Variants in SIPA1L1 observed in about 807,000 individuals in gnomAD.
The protein encoded by SIPA1L1 is signal-induced proliferation-associated 1-like protein 1.
Under a neutral mutation model 162.7 loss-of-function variants are expected in SIPA1L1, and 26 were observed. The ratio of observed to expected loss-of-function variants is 0.16; its 90% CI spans 0.12 to 0.22. The LOEUF (loss-of-function observed/expected upper bound fraction) is 0.22. Among genes scored for constraint, SIPA1L1 ranks in the 10% least tolerant of loss-of-function variants. The probability of loss-of-function intolerance (pLI) is 1.00; values close to 1 mark genes in which losing one functional copy is unlikely to be tolerated. For synonymous variants in SIPA1L1, 829 were observed against 837.4 expected, an observed-to-expected ratio of 0.99 and a Z score of 0.17; for missense variants, 1,874 against 2,241.0, an observed-to-expected ratio of 0.84 and a Z score of 3.31.
In SIPA1L1 at chr14:71,500,166, T is replaced by C. The variant is rs566653638; in HGVS notation, c.-464-12577T>C. The stretch of plus-strand genomic sequence containing the variant: ...GAACATTAAAATTAAGAATTTCTCT[T>C]CAACAAAATAAAAATTAAGAGCAAA... On this transcript the variant is annotated intron_variant, in intron 2 of 23. Coordinates refer to ENST00000381232, the MANE Select transcript of SIPA1L1 (RefSeq NM_001386936.1). 6.7e-4 allele frequency among the ~76,000 whole-genome samples: 102 copies of C among 152,180 alleles called. 1 individual carries two copies. The highest frequency in any genetic ancestry group is 2.4e-3 in the African/African-American group (99 of 41,498).
Position 71,356,567 on chromosome 14 carries a change from C to CAAAA in SIPA1L1, c.-465+35403_-465+35406dup, listed in dbSNP as rs71105772. On this transcript the variant is annotated intron_variant, in intron 2 of 23. Coordinates refer to ENST00000381232, the MANE Select transcript of SIPA1L1 (RefSeq NM_001386936.1). The stretch of plus-strand genomic sequence containing the variant: ...GCAACATAGCAAGACCTTGTCTCTA[C>CAAAA]AAAAAAAAAAAAAAAAAAAAGCACA... Among the ~76,000 whole-genome samples the CAAAA allele has an allele frequency of 6.4e-4, 25 of 39,160 alleles. 4 individuals carry two copies. The highest frequency in any genetic ancestry group is 2.5e-3 in the South Asian group (2 of 786). 25.7% of individuals were successfully genotyped at this position (39,160 alleles called of 152,430 possible). A position where few individuals can be genotyped will look rare whatever the true frequency, so the allele number is the denominator to read the frequency against.
chr14:71,580,560 C>G (rs942542322), intron 4 of SIPA1L1, among the ~76,000 whole-genome samples: 4 of 152,136 alleles, frequency 2.6e-5, no homozygotes, highest in African/African-American at 9.7e-5. Flanking sequence ...TATTCAAATC[C>G]TATAAATACT....
At chr14:71,422,926 C>T (rs2043294867) in intron 2 of SIPA1L1, among the ~76,000 whole-genome samples, 1 of 152,140 alleles carries the variant, frequency 6.6e-6, no homozygotes, top group South Asian at 2.1e-4. Context: ...AGTGGCTGTA[C>T]CATTTTACAT....
intron 22 of SIPA1L1, among the ~76,000 whole-genome samples, chr14:71,737,872 A>G (rs1215500138): frequency 1.3e-5 from 2 of 152,114 alleles, no homozygotes; most frequent in Admixed American, 6.5e-5. Flanking sequence ...AAAGCCCACT[A>G]GAGAGATCCC....
intron 14 of SIPA1L1, among the ~76,000 whole-genome samples, chr14:71,699,411 A>G (rs1005825519): frequency 6.6e-6 from 1 of 152,212 alleles, no homozygotes; most frequent in Non-Finnish European, 1.5e-5. Flanking sequence ...TTCACAGTTC[A>G]GATTTTGTCA....
intron 4 of SIPA1L1, among the ~76,000 whole-genome samples, chr14:71,563,355 T>G (rs886531574): frequency 1.3e-5 from 2 of 152,114 alleles, no homozygotes; most frequent in Non-Finnish European, 2.9e-5. Context: ...CTTTAAAATT[T>G]TTTCTGTCTT....
chr14:71,457,361 A>G (rs548399981), intron 2 of SIPA1L1, among the ~76,000 whole-genome samples: 32 of 150,250 alleles, frequency 2.1e-4, no homozygotes, highest in Non-Finnish European at 3.2e-4. Context: ...GTGCAGTGGC[A>G]TGATATCGGC....
chr14:71,706,507 T>A (rs2082447573), intron 16 of SIPA1L1, among the ~76,000 whole-genome samples: 1 of 152,212 alleles, frequency 6.6e-6, no homozygotes, highest in Non-Finnish European at 1.5e-5. Context: ...TTTACACTCT[T>A]GATACATCTC....
chr14:71,355,401 A>G (rs899631832), intron 2 of SIPA1L1, among the ~76,000 whole-genome samples: 1 of 152,088 alleles, frequency 6.6e-6, no homozygotes, highest in South Asian at 2.1e-4. Flanking sequence ...ACCCTGAGGG[A>G]TGGAGGAAAT....
At chr14:71,488,241 T>C (rs1490171881) in intron 2 of SIPA1L1, among the ~76,000 whole-genome samples, 2 of 152,204 alleles carry the variant, frequency 1.3e-5, no homozygotes, top group Non-Finnish European at 2.9e-5. Flanking sequence ...CTATATTCAC[T>C]TTCATTACTG....
At chr14:71,455,927 GT>G (rs1239743019) in intron 2 of SIPA1L1, among the ~76,000 whole-genome samples, 2 of 152,038 alleles carry the variant, frequency 1.3e-5, no homozygotes, top group African/African-American at 4.8e-5. Context: ...GGTGGTTATT[GT>G]TGGTTGGTTT....
intron 2 of SIPA1L1, among the ~76,000 whole-genome samples, chr14:71,387,248 C>CAAAAAAAAAA (rs398025583): frequency 1.9e-4 from 10 of 53,856 alleles, no homozygotes; most frequent in African/African-American, 3.7e-4. Context: ...AACTCTGTCT[C>CAAAAAAAAAA]AAAAAAAAAA....
rs75013076 is a variant in SIPA1L1 at position 71,566,581 on chromosome 14, G to A, written c.-302-20990G>A. ...CACAAAAAGAGACCTCCACATGCAC[G>A]GGAACTTGTTTTTGACATTGTATAC... On this transcript the variant is annotated intron_variant, in intron 4 of 23. Coordinates refer to ENST00000381232, the MANE Select transcript of SIPA1L1 (RefSeq NM_001386936.1). Among the ~76,000 whole-genome samples the A allele has an allele frequency of 2.5e-3, 385 of 152,294 alleles. 3 individuals are homozygous for A. Among genetic ancestry groups the A allele is most frequent in the African/African-American group, 8.7e-3 (362 of 41,576 alleles).
At chr14:71,680,836 G>T (rs549671348) in intron 12 of SIPA1L1, among the ~76,000 whole-genome samples, 38 of 152,224 alleles carry the variant, frequency 2.5e-4, no homozygotes, top group Admixed American at 8.5e-4. Context: ...GAGGGCCTCG[G>T]GTCTTTATAG....
At chr14:71,564,542 G>T (rs1191208524) in intron 4 of SIPA1L1, among the ~76,000 whole-genome samples, 2 of 141,436 alleles carry the variant, frequency 1.4e-5, no homozygotes, top group African/African-American at 5.5e-5. Context: ...CTGGAGTGCA[G>T]TGGCACGATC....
intron 5 of SIPA1L1, among the ~76,000 whole-genome samples, chr14:71,610,079 G>A (rs1273315773): frequency 6.6e-6 from 1 of 152,132 alleles, no homozygotes; most frequent in African/African-American, 2.4e-5. Flanking sequence ...AGGGGTGAGT[G>A]TAGTTAATAT....
intron 5 of SIPA1L1, among the ~76,000 whole-genome samples, chr14:71,605,852 C>T (rs2037428379): frequency 6.6e-6 from 1 of 152,110 alleles, no homozygotes; most frequent in Non-Finnish European, 1.5e-5. Context: ...TCTGGGGCTA[C>T]AGGTAGCTTG....
intron 4 of SIPA1L1, among the ~76,000 whole-genome samples, chr14:71,555,392 T>C (rs2056265063): frequency 6.6e-6 from 1 of 152,222 alleles, no homozygotes; most frequent in African/African-American, 2.4e-5. Flanking sequence ...TTCACCTCTC[T>C]CAGCCTTCAT....
intron 19 of SIPA1L1, among the ~76,000 whole-genome samples, chr14:71,729,119 T>G (rs2084512706): frequency 6.6e-6 from 1 of 152,224 alleles, no homozygotes; most frequent in South Asian, 2.1e-4. Flanking sequence ...CACAGCAACC[T>G]CTGCCTCCCA....
Sources: allele counts gnomAD v4.1 joint callset (sites outside exome capture counted in the v4.1 genomes callset), GRCh38; gene constraint gnomAD v4.1.1; transcripts MANE v1.5; gene names NCBI Gene and HGNC (gene_info 2026-07-23, HGNC 2026-07-21).